The following SCUBE2 variants were observed in gnomAD, a reference collection of about 807,000 sequenced individuals.
SCUBE2 encodes signal peptide, CUB domain and EGF like domain containing 2.
Under a neutral mutation model 125.9 loss-of-function variants are expected in SCUBE2, and 114 were observed. The observed-to-expected ratio is 0.91, with a 90% CI of 0.78 to 1.06. The LOEUF (loss-of-function observed/expected upper bound fraction) is 1.06, where lower values mean the gene tolerates loss of function less well. Ranked by LOEUF, SCUBE2 falls within the 50% of genes least tolerant of loss-of-function variation. The pLI is 0.00. For synonymous variants in SCUBE2, 459 were observed against 492.9 expected (o/e 0.93, Z 0.91); for missense variants, 1,255 against 1,301.8 (o/e 0.96, Z 0.55).
At chr11:9,053,794 T>C (rs2032092816) in intron 10 of SCUBE2, 35 bp from the exon 11 acceptor site, 1 of 1,599,640 alleles carries the variant, frequency 6.3e-7, no homozygotes, top group Non-Finnish European at 8.5e-7. Context: ...CATAGCAGCC[T>C]GTCACTGAAT....
At chr11:9,056,685 T>C (rs1454792580) in intron 9 of SCUBE2, among the ~76,000 whole-genome samples, 1 of 152,182 alleles carries the variant, frequency 6.6e-6, no homozygotes, top group African/African-American at 2.4e-5. Context: ...CAGCATCTCT[T>C]TCCCTGGGTC....
In SCUBE2 at chr11:9,046,230, G is replaced by A. The variant is rs1009997016; in HGVS notation, c.2002+1126C>T. Among the ~76,000 whole-genome samples the A allele has an allele frequency of 2.0e-5, 3 of 151,706 alleles. 1 individual carries two copies. Among genetic ancestry groups the A allele is most frequent in the Admixed American group, 1.3e-4 (2 of 15,252 alleles). On this transcript the variant is annotated intron_variant, in intron 16 of 22. Transcript: ENST00000649792. Reference sequence around the variant, plus strand: ...TCACCATGCTGGCCAGGATGGTCTCGATCTCCTGACCTCGTGATCTGCCCG... The same window carrying A: ...TCACCATGCTGGCCAGGATGGTCTCAATCTCCTGACCTCGTGATCTGCCCG...
Position 9,074,607 on chromosome 11 carries a change from C to T in SCUBE2, c.391G>A (p.Glu131Lys), listed in dbSNP as rs749395534. The stretch of plus-strand genomic sequence containing the variant: ...CAGCCGCCATTGTTCTCCAGGCACT[C>T]GTCCACATCTGGAAGGAGAGAGGGA... Reference protein sequence around the residue: ...HDGHNCLDVDECLENNGGCQH... With the variant: ...HDGHNCLDVDKCLENNGGCQH... Residue 131 changes from glutamate (E) to lysine (K), a missense_variant, in exon 4 of 23, where the codon GAG becomes AAG. Coordinates refer to ENST00000649792, the MANE Select transcript of SCUBE2 (RefSeq NM_001367977.2). 2.4e-5 allele frequency: 39 copies of T among 1,614,056 alleles called. No homozygotes were observed. In the Admixed American group the frequency reaches 4.8e-4, roughly 20 times the overall value.
At chr11:9,056,417 C>A (rs139679680) in intron 9 of SCUBE2, among the ~76,000 whole-genome samples, 1 of 152,170 alleles carries the variant, frequency 6.6e-6, no homozygotes, top group Non-Finnish European at 1.5e-5. Flanking sequence ...CCCCAAGAGG[C>A]CAGTTAATCC....
intron 9 of SCUBE2, among the ~76,000 whole-genome samples, chr11:9,058,583 G>A (rs978815797): frequency 1.9e-4 from 21 of 113,020 alleles, no homozygotes; most frequent in African/African-American, 3.6e-4. Flanking sequence ...GTGACAGAGC[G>A]AGACTCTGTC....
chr11:9,031,361 G>C, intron 17 of SCUBE2: 1 of 153,132 alleles, frequency 6.5e-6, no homozygotes, highest in Non-Finnish European at 1.5e-5. Context: ...GGCTGGGCTT[G>C]ATGGCTCACG....
intron 2 of SCUBE2, among the ~76,000 whole-genome samples, chr11:9,085,660 A>G (rs943939048): frequency 6.6e-6 from 1 of 152,120 alleles, no homozygotes; most frequent in African/African-American, 2.4e-5. Context: ...TGGGAGGCGG[A>G]GGTTGCAATA....
At chr11:9,074,276 T>C (rs1861036670) in intron 4 of SCUBE2, among the ~76,000 whole-genome samples, 1 of 152,200 alleles carries the variant, frequency 6.6e-6, no homozygotes, top group Admixed American at 6.5e-5. Context: ...GCTCACCCAG[T>C]CCAGTGCAAC....
chr11:9,069,520 G>A (rs184140569), intron 4 of SCUBE2, 25 bp from the exon 5 acceptor site: 8 of 1,613,756 alleles, frequency 5.0e-6, no homozygotes, highest in Non-Finnish European at 6.8e-6. Context: ...TGTGCGACAG[G>A]TGACTAGGCT....
At chr11:9,024,209 T>C in intron 21 of SCUBE2, 1 of 1,084,530 alleles carries the variant, frequency 9.2e-7, no homozygotes, top group Non-Finnish European at 1.1e-6. Context: ...AAGGCAGAGT[T>C]GAGAACAGCC....
intron 16 of SCUBE2, among the ~76,000 whole-genome samples, chr11:9,038,011 G>C (rs1856881016): frequency 6.6e-6 from 1 of 152,002 alleles, no homozygotes; most frequent in African/African-American, 2.4e-5. Flanking sequence ...CTATCCTTGG[G>C]ATTTCATCTG....
chr11:9,055,665 C>T, intron 10 of SCUBE2, 128 bp downstream of exon 10: 1 of 715,954 alleles, frequency 1.4e-6, no homozygotes, highest in Non-Finnish European at 2.5e-6. Context: ...GGACTCACCG[C>T]TATTGCTCAG....
At chr11:9,046,094 A>G (rs1023938685) in intron 16 of SCUBE2, among the ~76,000 whole-genome samples, 1 of 146,906 alleles carries the variant, frequency 6.8e-6, no homozygotes, top group Non-Finnish European at 1.5e-5. Context: ...GCAGCCTCCA[A>G]CTCCCTGGTT....
chr11:9,029,955 T>G lies in SCUBE2; in HGVS notation c.2432A>C (p.Asn811Thr). The G allele has an allele frequency of 6.2e-7, 1 of 1,614,154 alleles. No individual in the cohort carries two copies. Among genetic ancestry groups the G allele is most frequent in the South Asian group, 1.1e-5 (1 of 91,080 alleles). Residue 811 changes from asparagine to threonine, a missense_variant, in exon 19 of 23, where the codon AAT becomes ACT. Around this residue, in one of 3 missense-constraint regions of SCUBE2, gnomAD observed 515 missense variants for 515.7 expected, o/e 1.00. Transcript: ENST00000649792. Reference protein sequence around the residue: ...VGTYQPEFGKNNCVSCPGNTT... With the variant: ...VGTYQPEFGKTNCVSCPGNTT... ...ATTTCCTGGGCAAGAAACACAATTA[T>G]TTTTTCCAAATTCAGGCTGGTATGT...
rs544559478 is a variant in SCUBE2 at position 9,023,226 on chromosome 11, A to G, written c.2855-1271T>C. Among the ~76,000 whole-genome samples, 226 of 152,322 alleles carry G rather than the reference A, an allele frequency of 1.5e-3. 1 individual carries two copies. The highest frequency in any genetic ancestry group is 4.9e-3 in the African/African-American group (202 of 41,576). On this transcript the variant is annotated intron_variant, in intron 21 of 22. Coordinates refer to ENST00000649792, the MANE Select transcript of SCUBE2 (RefSeq NM_001367977.2). The stretch of plus-strand genomic sequence containing the variant: ...ACAAAGCCAAACACATTATGAGAAC[A>G]TCATTGAAATTGTGTGAGAGGAACT...
At chr11:9,030,091 T>C (rs751196228) in intron 18 of SCUBE2, 46 bp from the exon 19 acceptor site, 2 of 1,586,544 alleles carry the variant, frequency 1.3e-6, no homozygotes, top group South Asian at 1.1e-5. Flanking sequence ...AGAAAGATTA[T>C]TTTTAATCAA....
intron 16 of SCUBE2, among the ~76,000 whole-genome samples, chr11:9,044,511 T>C (rs762308082): frequency 6.6e-6 from 1 of 152,136 alleles, no homozygotes; most frequent in Non-Finnish European, 1.5e-5. Flanking sequence ...GGATTACAGA[T>C]GTGAGCCACT....
At chr11:9,047,872 A>C (rs1857958379) in intron 15 of SCUBE2, 71 bp downstream of exon 15, 1 of 1,506,182 alleles carries the variant, frequency 6.6e-7, no homozygotes, top group Middle Eastern at 1.8e-4. Context: ...AAGAATAATA[A>C]AAAGTGAAAG....
At chr11:9,046,240 C>A (rs545889127) in intron 16 of SCUBE2, among the ~76,000 whole-genome samples, 4 of 151,908 alleles carry the variant, frequency 2.6e-5, no homozygotes, top group African/African-American at 9.7e-5. Flanking sequence ...GATCTCCTGA[C>A]CTCGTGATCT....
Sources: allele counts gnomAD v4.1 joint callset (sites outside exome capture counted in the v4.1 genomes callset), GRCh38; gene constraint gnomAD v4.1.1; regional missense constraint gnomAD v4.1.1; transcripts MANE v1.5; gene names NCBI Gene and HGNC (gene_info 2026-07-23, HGNC 2026-07-21).